The following ZFYVE28 variants were observed in gnomAD, a reference collection of about 807,000 sequenced individuals.
ZFYVE28 encodes zinc finger FYVE-type containing 28.
A neutral mutation model predicts 82.1 loss-of-function variants in ZFYVE28; 40 were observed. The observed-to-expected ratio is 0.49, with a 90% CI of 0.38 to 0.63. ZFYVE28 has a LOEUF of 0.63. ZFYVE28 is among the 30% of genes least tolerant of loss of function. The pLI is 0.00. For missense variants in ZFYVE28, 1,321 were observed against 1,242.1 expected (o/e 1.06, Z -0.96); for synonymous variants, 612 against 546.1 (o/e 1.12, Z -1.68).
intron 8 of ZFYVE28, among the ~76,000 whole-genome samples, chr4:2,294,730 T>C (rs1256056412): frequency 6.6e-6 from 1 of 152,220 alleles, no homozygotes; most frequent in African/African-American, 2.4e-5. Context: ...GAACTATCAG[T>C]ACTCAATATG....
intron 6 of ZFYVE28, among the ~76,000 whole-genome samples, chr4:2,325,782 G>A (rs1318162688): frequency 1.3e-5 from 2 of 151,912 alleles, no homozygotes; most frequent in East Asian, 3.9e-4. Flanking sequence ...CTGTTGGGAT[G>A]AGGTTTCACT....
At chr4:2,294,107 C>G (rs1374232999) in intron 8 of ZFYVE28, among the ~76,000 whole-genome samples, 2 of 151,006 alleles carry the variant, frequency 1.3e-5, no homozygotes, top group Non-Finnish European at 2.9e-5. Context: ...GTTGACAACC[C>G]TAAAATTCAC....
intron 1 of ZFYVE28, among the ~76,000 whole-genome samples, chr4:2,384,761 A>G (rs1367000776): frequency 6.6e-6 from 1 of 152,218 alleles, no homozygotes; most frequent in Admixed American, 6.5e-5. Context: ...TCTTTATTTA[A>G]TTCAGCATAG....
chr4:2,339,987 G>A lies in ZFYVE28; in HGVS notation c.319-332C>T, dbSNP rs941949994. On this transcript the variant is annotated intron_variant, in intron 3 of 12. Transcript: ENST00000290974. This position sits in a 1 kb window ranked among gnomAD's most constrained non-coding sequence, Gnocchi z 5.0. The stretch of plus-strand genomic sequence containing the variant: ...TGGACTGAGGCCCTTGGGTCTGGGG[G>A]CTCCCTGCAGGAGGAACCCTGGTCA... Among the ~76,000 whole-genome samples the A allele has an allele frequency of 2.0e-5, 3 of 151,854 alleles. No homozygotes were observed. The highest frequency in any genetic ancestry group is 4.8e-5 in the African/African-American group (2 of 41,346).
In ZFYVE28 at chr4:2,359,645, T is replaced by C. The variant is rs543327348; in HGVS notation, c.40-5572A>G. On this transcript the variant is annotated intron_variant, in intron 1 of 12. Coordinates refer to ENST00000290974, the MANE Select transcript of ZFYVE28 (RefSeq NM_020972.3). ...CTGCCACGCAGTAGTCTGGGACTTT[T>C]GGCCTCCAGGACTGAGAGAAAATAC... Among the ~76,000 whole-genome samples the C allele has an allele frequency of 2.0e-5, 3 of 152,322 alleles. No homozygotes were observed. The East Asian group carries it at 5.8e-4, about 29-fold the overall frequency.
rs1484931204 is a variant in ZFYVE28, at chr4:2,332,594, C to T, written c.701+3111G>A. 1.3e-5 allele frequency among the ~76,000 whole-genome samples: 2 copies of T among 152,202 alleles called. No individual in the cohort carries two copies. The highest frequency in any genetic ancestry group is 2.4e-5 in the African/African-American group (1 of 41,444). ...CACAGGGCGAGGTATGCAGTAGGCA[C>T]TCAATACTTGCTCACTGAATGAACA... On this transcript the variant is annotated intron_variant, in intron 6 of 12. Transcript: ENST00000290974. The surrounding 1 kb of genome is among the most constrained non-coding windows in gnomAD (Gnocchi z 4.7).
intron 8 of ZFYVE28, among the ~76,000 whole-genome samples, chr4:2,278,642 C>T (rs190171816): frequency 6.9e-4 from 105 of 151,814 alleles, no homozygotes; most frequent in Admixed American, 1.0e-3. Flanking sequence ...TAGGACACCA[C>T]CAAGAAAGTG....
rs34720466 is a variant in ZFYVE28, at chr4:2,346,164, TAAAAAAAAAAAAAA to T, written c.181-4563_181-4550del. Among the ~76,000 whole-genome samples the T allele has an allele frequency of 6.1e-3, 768 of 126,478 alleles. 3 individuals are homozygous for T. The highest frequency in any genetic ancestry group is 0.011 in the South Asian group (43 of 3,954). The allele number at this position is 126,478 out of a possible 152,430, so 83.0% of individuals were successfully genotyped here. ...TAATACGGTGAAACCCCGTCTCTAC[TAAAAAAAAAAAAAA>T]AAAAATACAAAAAATTAGCCGGGCG... On this transcript the variant is annotated intron_variant, in intron 2 of 12. Transcript: ENST00000290974.
At chr4:2,351,628 C>T (rs1014495687) in intron 2 of ZFYVE28, among the ~76,000 whole-genome samples, 2 of 152,168 alleles carry the variant, frequency 1.3e-5, no homozygotes, top group Admixed American at 6.5e-5. Context: ...GCAGGAGAAT[C>T]GCTTGAACCT....
At chr4:2,310,214 T>C (rs1191382600) in intron 7 of ZFYVE28, among the ~76,000 whole-genome samples, 1 of 152,028 alleles carries the variant, frequency 6.6e-6, no homozygotes, top group Non-Finnish European at 1.5e-5. Flanking sequence ...AATTTGTAAA[T>C]TTTTTGTAGA....
chr4:2,337,215 G>T (rs1333715095), intron 5 of ZFYVE28, among the ~76,000 whole-genome samples, 192 bp downstream of exon 5: 1 of 152,020 alleles, frequency 6.6e-6, no homozygotes, highest in Non-Finnish European at 1.5e-5. Context: ...GTAAAGGCAG[G>T]GGTGGCCTCT....
intron 1 of ZFYVE28, among the ~76,000 whole-genome samples, chr4:2,412,459 C>G (rs1732622803): frequency 6.6e-6 from 1 of 152,044 alleles, no homozygotes; most frequent in South Asian, 2.1e-4. Context: ...TCTCAGCATC[C>G]CCACCTGACA....
intron 8 of ZFYVE28, among the ~76,000 whole-genome samples, chr4:2,293,042 G>T (rs1203466348): frequency 1.3e-5 from 2 of 151,738 alleles, no homozygotes; most frequent in Non-Finnish European, 2.9e-5. Flanking sequence ...AGAACCATGT[G>T]ATTACGTCAA....
In ZFYVE28 at chr4:2,284,427, C is replaced by T. The variant is rs376977178; in HGVS notation, c.2052-10211G>A. ...CATGATGGGGAGGAGGAGAGCGCGA[C>T]GGGGCACAGTGGTGGACAACCCAGC... On this transcript the variant is annotated intron_variant, in intron 8 of 12. Transcript: ENST00000290974. Among the ~76,000 whole-genome samples, 18 of 152,244 alleles carry T rather than the reference C, an allele frequency of 1.2e-4. No homozygotes were observed. The South Asian group carries it at 1.2e-3, about 11-fold the overall frequency.
At chr4:2,387,498 T>G (rs947694177) in intron 1 of ZFYVE28, among the ~76,000 whole-genome samples, 32 of 152,180 alleles carry the variant, frequency 2.1e-4, no homozygotes, top group Non-Finnish European at 4.1e-4. Flanking sequence ...GCCGCCCCAC[T>G]TGGCGAGCAG....
Position 2,418,184 on chromosome 4 carries a change from C to G in ZFYVE28, c.39+101G>C. 19 of 1,165,614 alleles carry G rather than the reference C, an allele frequency of 1.6e-5. No individual in the cohort carries two copies. Among genetic ancestry groups the G allele is most frequent in the Non-Finnish European group, 2.2e-5 (19 of 861,338 alleles). The allele number at this position is 1,165,614 out of a possible 1,614,324, so 72.2% of individuals were successfully genotyped here. On this transcript the variant is annotated intron_variant, in intron 1 of 12. Transcript: ENST00000290974. This position sits in a 1 kb window ranked among gnomAD's most constrained non-coding sequence, Gnocchi z 4.6. Reference sequence around the variant, plus strand: ...CGGCGGTGGGGGAAGAGGCCGGCCACGGACAGGGAAAGGGAGTCCGTCTTG... The same window carrying G: ...CGGCGGTGGGGGAAGAGGCCGGCCAGGGACAGGGAAAGGGAGTCCGTCTTG...
chr4:2,303,971 C>T (rs886094760), intron 8 of ZFYVE28, among the ~76,000 whole-genome samples: 2 of 152,336 alleles, frequency 1.3e-5, no homozygotes, highest in East Asian at 1.9e-4. Flanking sequence ...CGGGATGGGC[C>T]GGGGCTGCGG....
intron 1 of ZFYVE28, among the ~76,000 whole-genome samples, chr4:2,378,294 T>A (rs910831786): frequency 1.3e-5 from 2 of 152,094 alleles, no homozygotes; most frequent in Non-Finnish European, 2.9e-5. Context: ...GGAACTGAGA[T>A]CACACTACCA....
intron 7 of ZFYVE28, among the ~76,000 whole-genome samples, chr4:2,307,757 G>C (rs1160114799): frequency 6.6e-6 from 1 of 152,206 alleles, no homozygotes; most frequent in African/African-American, 2.4e-5. Context: ...GCCTCCCAAA[G>C]TGCTGGGATT....
Sources: allele counts gnomAD v4.1 joint callset (sites outside exome capture counted in the v4.1 genomes callset), GRCh38; gene constraint gnomAD v4.1.1; non-coding constraint Gnocchi (gnomAD v3.1); transcripts MANE v1.5; gene names NCBI Gene and HGNC (gene_info 2026-07-23, HGNC 2026-07-21).